CDC42SE2: variants seen among roughly 807,000 people sequenced by gnomAD.
CDC42SE2 encodes CDC42 small effector 2.
CDC42SE2 carries 3 observed loss-of-function variants against 11.5 expected under a neutral mutation model. The observed-to-expected ratio is 0.26, with a 90% confidence interval of 0.12 to 0.67. The LOEUF is 0.67. Among genes scored for constraint, CDC42SE2 ranks in the 30% least tolerant of loss-of-function variants. The probability of loss-of-function intolerance (pLI) is 0.80; values close to 1 mark genes in which losing one functional copy is unlikely to be tolerated. For missense variants in CDC42SE2, 82 were observed against 106.8 expected, an observed-to-expected ratio of 0.77 and a Z score of 1.02; for synonymous variants, 33 against 34.8, an observed-to-expected ratio of 0.95 and a Z score of 0.18.
chr5:131,296,687 T>G (rs1580737876), intron 1 of CDC42SE2, among the ~76,000 whole-genome samples: 1 of 152,184 alleles, frequency 6.6e-6, no homozygotes, highest in East Asian at 1.9e-4. Context: ...ATCTGCAACG[T>G]AAGGTCACAT....
chr5:131,307,736 C>T (rs1757809679), intron 1 of CDC42SE2, among the ~76,000 whole-genome samples: 4 of 152,096 alleles, frequency 2.6e-5, no homozygotes, highest in Admixed American at 1.3e-4. Context: ...CTGTTGTTTC[C>T]TGACTTTTTA....
At chr5:131,266,460 C>CTTTTT (rs913283936) in intron 1 of CDC42SE2, among the ~76,000 whole-genome samples, 1 of 128,196 alleles carries the variant, frequency 7.8e-6, no homozygotes, top group Non-Finnish European at 1.7e-5. Context: ...TTTTTTTTTT[C>CTTTTT]TTTTTTTTTT....
intron 1 of CDC42SE2, among the ~76,000 whole-genome samples, chr5:131,300,740 G>A (rs748088281): frequency 4.0e-5 from 6 of 148,864 alleles, no homozygotes; most frequent in Admixed American, 1.3e-4. Flanking sequence ...CCGAGATCGC[G>A]CCACTGCACT....
intron 2 of CDC42SE2, among the ~76,000 whole-genome samples, chr5:131,319,961 G>A (rs1362154636): frequency 1.4e-5 from 2 of 141,448 alleles, no homozygotes; most frequent in Non-Finnish European, 3.0e-5. Context: ...CAAGGCAGAA[G>A]AATGGCGTGA....
In CDC42SE2 at chr5:131,394,652, A is replaced by G. The variant is rs1750798022; in HGVS notation, c.*3561A>G. On this transcript the variant is annotated 3_prime_UTR_variant, in exon 5 of 5. Transcript: ENST00000505065. ...AAGAAAGTATTGATTTTGATTCAAT[A>G]AATGTTTTCTTTCAATCCTGGTTGG... is the stretch of plus-strand genomic sequence containing the variant. 6.6e-6 allele frequency: 1 copy of G among 152,324 alleles called. No homozygotes were observed. Among genetic ancestry groups the G allele is most frequent in the Non-Finnish European group, 1.5e-5 (1 of 68,038 alleles). The allele number at this position is 152,324 out of a possible 1,614,324, so 9.4% of individuals were successfully genotyped here.
At chr5:131,358,265 C>G (rs141648282) in intron 2 of CDC42SE2, among the ~76,000 whole-genome samples, 84 of 152,250 alleles carry the variant, frequency 5.5e-4, no homozygotes, top group Non-Finnish European at 9.4e-4. Flanking sequence ...CCCACTTCAT[C>G]ATAACTTCAG....
At chr5:131,287,298 G>A (rs1757361744) in intron 1 of CDC42SE2, among the ~76,000 whole-genome samples, 1 of 151,864 alleles carries the variant, frequency 6.6e-6, no homozygotes, top group Non-Finnish European at 1.5e-5. Flanking sequence ...CCCGGCCTTG[G>A]GTCAGCTGTA....
intron 2 of CDC42SE2, among the ~76,000 whole-genome samples, chr5:131,335,124 A>G (rs1243272318): frequency 6.6e-6 from 1 of 152,112 alleles, no homozygotes; most frequent in Non-Finnish European, 1.5e-5. Flanking sequence ...ATTTCCCTCT[A>G]CACACTGCTT....
chr5:131,291,500 T>C (rs891275822), intron 1 of CDC42SE2, among the ~76,000 whole-genome samples: 3 of 152,182 alleles, frequency 2.0e-5, no homozygotes, highest in Non-Finnish European at 4.4e-5. Context: ...CTCTTTTTTT[T>C]CTCCTTCCCT....
At chr5:131,318,276 T>C (rs935172980) in intron 2 of CDC42SE2, among the ~76,000 whole-genome samples, 2 of 152,186 alleles carry the variant, frequency 1.3e-5, no homozygotes, top group Non-Finnish European at 1.5e-5. Flanking sequence ...GAAAGTTGTA[T>C]GATGCACTTT....
chr5:131,335,040 T>C (rs1758520671), intron 2 of CDC42SE2, among the ~76,000 whole-genome samples: 2 of 152,172 alleles, frequency 1.3e-5, no homozygotes, highest in Admixed American at 1.3e-4. Context: ...GCTTCTCTAG[T>C]TCTTTTAATT....
the CDC42SE2 span, among the ~76,000 whole-genome samples, chr5:131,234,938 T>G: frequency 6.7e-6 from 1 of 149,176 alleles, no homozygotes; most frequent in African/African-American, 2.5e-5. Context: ...CGCCCGGCTA[T>G]AGTGCAGTGG....
At chr5:131,216,519 A>C in the CDC42SE2 span, among the ~76,000 whole-genome samples, 2 of 132,640 alleles carry the variant, frequency 1.5e-5, no homozygotes, top group Non-Finnish European at 1.6e-5. Context: ...AAAAAAAAAA[A>C]AAACATTATA....
At chr5:131,248,878 T>G (rs959138287) in intron 1 of CDC42SE2, among the ~76,000 whole-genome samples, 2 of 152,122 alleles carry the variant, frequency 1.3e-5, no homozygotes, top group African/African-American at 4.8e-5. Context: ...AATGTATCAA[T>G]TGTCCCCAAA....
chr5:131,296,436 A>T (rs112298558), intron 1 of CDC42SE2, among the ~76,000 whole-genome samples: 1 of 152,186 alleles, frequency 6.6e-6, no homozygotes, highest in Non-Finnish European at 1.5e-5. Flanking sequence ...TCAGGGTGTC[A>T]ACAGCGCTGT....
At chr5:131,366,990 G>A (rs1329761376) in intron 3 of CDC42SE2, among the ~76,000 whole-genome samples, 12 of 151,876 alleles carry the variant, frequency 7.9e-5, no homozygotes, top group Non-Finnish European at 1.8e-4. Context: ...TCGCATCCCT[G>A]CACTCCAGCC....
Position 131,380,355 on chromosome 5 carries a change from C to T in CDC42SE2, c.55-5188C>T, listed in dbSNP as rs543696313. 5.9e-5 allele frequency among the ~76,000 whole-genome samples: 9 copies of T among 152,192 alleles called. No individual in the cohort carries two copies. The East Asian group carries it at 1.7e-3, about 29-fold the overall frequency. On this transcript the variant is annotated intron_variant, in intron 3 of 4. Coordinates refer to ENST00000505065, the MANE Select transcript of CDC42SE2 (RefSeq NM_001375635.1). Reference sequence around the variant, plus strand: ...GGAGACAGGGTTTCGCCATGTTGGCCAGGCTGGTCTTGAACTCCTGACCTC... The same window carrying T: ...GGAGACAGGGTTTCGCCATGTTGGCTAGGCTGGTCTTGAACTCCTGACCTC...
chr5:131,362,440 A>G (rs1749736227), intron 3 of CDC42SE2, among the ~76,000 whole-genome samples: 1 of 152,196 alleles, frequency 6.6e-6, no homozygotes, highest in African/African-American at 2.4e-5. Context: ...ACATTATACA[A>G]AGACATATCC....
Position 131,290,472 on chromosome 5 carries a change from C to CTT in CDC42SE2, c.-454-25492_-454-25491dup, listed in dbSNP as rs1310572639. On this transcript the variant is annotated intron_variant, in intron 1 of 4. Coordinates refer to ENST00000505065, the MANE Select transcript of CDC42SE2 (RefSeq NM_001375635.1). ...ATAACTGGCTGCTTCTTTTTTCTTT[C>CTT]TTTTTTTTTTTTTGTTTTTTTTTTT... is the stretch of plus-strand genomic sequence containing the variant. Among the ~76,000 whole-genome samples the CTT allele has an allele frequency of 1.8e-3, 222 of 126,696 alleles. 1 individual carries two copies. The highest frequency in any genetic ancestry group is 5.3e-3 in the African/African-American group (181 of 34,188). 83.1% of individuals were successfully genotyped at this position (126,696 alleles called of 152,430 possible).
Sources: allele counts gnomAD v4.1 joint callset (sites outside exome capture counted in the v4.1 genomes callset), GRCh38; gene constraint gnomAD v4.1.1; transcripts MANE v1.5; gene names NCBI Gene and HGNC (gene_info 2026-07-23, HGNC 2026-07-21).